UNC5A: variants seen among roughly 807,000 people sequenced by gnomAD.
UNC5A encodes netrin receptor UNC5A.
UNC5A carries 20 observed loss-of-function variants against 87.4 expected under a neutral mutation model. That is an observed-to-expected ratio of 0.23 (90% CI 0.16 to 0.33). UNC5A has a LOEUF of 0.33. UNC5A is among the 10% of genes least tolerant of loss of function. UNC5A has a pLI of 1.00. For synonymous variants in UNC5A, 438 were observed against 482.3 expected (o/e 0.91, Z 1.20); for missense variants, 844 against 1,133.4 (o/e 0.74, Z 3.67).
chr5:176,869,001 C>T lies in UNC5A; in HGVS notation c.721+37C>T, dbSNP rs1321560854. The T allele has an allele frequency of 1.9e-6, 3 of 1,560,936 alleles. No individual in the cohort carries two copies. The highest frequency in any genetic ancestry group is 3.6e-5 in the Admixed American group (2 of 55,964). ...GACTCCCTGGTCACAGGGAGAGGCA[C>T]TGCGGTGCCCCTGGGCAGTGACATG... is the stretch of plus-strand genomic sequence containing the variant. On this transcript the variant is annotated intron_variant, in intron 5 of 14. Coordinates refer to ENST00000329542, the MANE Select transcript of UNC5A (RefSeq NM_133369.3). The surrounding 1 kb of genome is among the most constrained non-coding windows in gnomAD (Gnocchi z 9.1).
chr5:176,828,361 G>A (rs932934067), intron 1 of UNC5A, among the ~76,000 whole-genome samples: 1 of 152,098 alleles, frequency 6.6e-6, no homozygotes, highest in African/African-American at 2.4e-5. Flanking sequence ...CGAGTGTGAT[G>A]TCACTCATGG....
intron 1 of UNC5A, among the ~76,000 whole-genome samples, chr5:176,855,955 G>A (rs905110971): frequency 6.6e-6 from 1 of 152,164 alleles, no homozygotes; most frequent in Non-Finnish European, 1.5e-5. Flanking sequence ...CCTCAACCGC[G>A]CCGTGTGGTC....
intron 13 of UNC5A, 35 bp downstream of exon 13, chr5:176,878,674 G>T: frequency 6.3e-7 from 1 of 1,589,386 alleles, no homozygotes; most frequent in Non-Finnish European, 8.6e-7. Context: ...GCCGTGACGT[G>T]CTCCCACTAC....
chr5:176,864,344 T>G (rs796665498), intron 2 of UNC5A, among the ~76,000 whole-genome samples: 4 of 152,208 alleles, frequency 2.6e-5, no homozygotes, highest in African/African-American at 9.6e-5. Context: ...AAGGGGCCCC[T>G]GGAGGCTGAG....
intron 1 of UNC5A, among the ~76,000 whole-genome samples, chr5:176,816,651 T>C (rs987017008): frequency 2.0e-5 from 3 of 152,272 alleles, no homozygotes; most frequent in South Asian, 2.1e-4. Context: ...CCTCCCTGCA[T>C]GGCTTCAGTT....
chr5:176,874,198 A>G lies in UNC5A; in HGVS notation c.1075+42A>G. The G allele has an allele frequency of 6.2e-7, 1 of 1,602,656 alleles. No individual in the cohort carries two copies. The highest frequency in any genetic ancestry group is 8.5e-7 in the Non-Finnish European group (1 of 1,172,202). On this transcript the variant is annotated intron_variant, in intron 7 of 14. Transcript: ENST00000329542. This position sits in a 1 kb window ranked among gnomAD's most constrained non-coding sequence, Gnocchi z 7.6. ...CCCCAGCACTCCTGCCCCAGCTCCCACGCCAAGGGCTGCTGGGGCAGGGAT... is the reference window on the plus strand; with the variant it reads ...CCCCAGCACTCCTGCCCCAGCTCCCGCGCCAAGGGCTGCTGGGGCAGGGAT...
At chr5:176,876,429 CT>C (rs763820195) in intron 8 of UNC5A, among the ~76,000 whole-genome samples, 3 of 152,180 alleles carry the variant, frequency 2.0e-5, no homozygotes, top group Non-Finnish European at 2.9e-5. Context: ...CTGGGAGCCC[CT>C]CCTCATGTAA....
In UNC5A at chr5:176,829,607, G is replaced by A. The variant is rs190566966; in HGVS notation, c.70+18787G>A. On this transcript the variant is annotated intron_variant, in intron 1 of 14. Transcript: ENST00000329542. ...ATAAAGTAGGTGGATGGATGGGTGG[G>A]TGGATGGGTGGGAGGTGGATGGATG... 2.0e-5 allele frequency among the ~76,000 whole-genome samples: 3 copies of A among 149,264 alleles called. No homozygotes were observed. In the East Asian group the frequency reaches 6.2e-4, roughly 31 times the overall value.
chr5:176,848,539 T>C lies in UNC5A; in HGVS notation c.71-14085T>C, dbSNP rs896494142. On this transcript the variant is annotated intron_variant, in intron 1 of 14. Transcript: ENST00000329542. This position sits in a 1 kb window ranked among gnomAD's most constrained non-coding sequence, Gnocchi z 5.8. Reference sequence around the variant, plus strand: ...TGGTAATTATTTGGACAGTGGGTAATTAAAACGGGGTGAGGGCTCATTCCT... The same window carrying C: ...TGGTAATTATTTGGACAGTGGGTAACTAAAACGGGGTGAGGGCTCATTCCT... 1.3e-5 allele frequency among the ~76,000 whole-genome samples: 2 copies of C among 152,164 alleles called. No homozygotes were observed. Among genetic ancestry groups the C allele is most frequent in the African/African-American group, 4.8e-5 (2 of 41,442 alleles).
At position 176,844,159 on chromosome 5, in the gene UNC5A, A is replaced by G. The variant is rs1046270328; in HGVS notation, c.71-18465A>G. 6.6e-6 allele frequency among the ~76,000 whole-genome samples: 1 copy of G among 152,200 alleles called. No homozygotes were observed. Among genetic ancestry groups the G allele is most frequent in the Non-Finnish European group, 1.5e-5 (1 of 68,032 alleles). On this transcript the variant is annotated intron_variant, in intron 1 of 14. Transcript: ENST00000329542. The surrounding 1 kb of genome is among the most constrained non-coding windows in gnomAD (Gnocchi z 4.2). ...CGGGGCTTTTTGAATAAAAGCTGTG[A>G]CTAAACTCAGGTCCATGCTGATTGT...
At chr5:176,837,183 A>C in intron 1 of UNC5A, among the ~76,000 whole-genome samples, 3 of 147,628 alleles carry the variant, frequency 2.0e-5, no homozygotes, top group East Asian at 2.0e-4. Context: ...CCCCAGCCCC[A>C]CTCCCATACC....
At chr5:176,858,874 C>T (rs563012018) in intron 1 of UNC5A, among the ~76,000 whole-genome samples, 9 of 152,174 alleles carry the variant, frequency 5.9e-5, no homozygotes, top group African/African-American at 2.2e-4. Context: ...GCGAGAGGCT[C>T]GGCTGTGCCT....
Position 176,865,739 on chromosome 5 carries a change from G to A in UNC5A, c.293-2391G>A, listed in dbSNP as rs1757959814. ...TCAGACAGGTATGGCAGGGCTCGGA[G>A]GCCCACCCAGCTCTGCAGCCCACTC... On this transcript the variant is annotated intron_variant, in intron 2 of 14. Coordinates refer to ENST00000329542, the MANE Select transcript of UNC5A (RefSeq NM_133369.3). This position sits in a 1 kb window ranked among gnomAD's most constrained non-coding sequence, Gnocchi z 5.3. 2.2e-6 allele frequency: 1 copy of A among 453,798 alleles called. No individual in the cohort carries two copies. Among genetic ancestry groups the A allele is most frequent in the African/African-American group, 2.0e-5 (1 of 49,956 alleles). 28.1% of individuals were successfully genotyped at this position (453,798 alleles called of 1,614,324 possible).
intron 1 of UNC5A, among the ~76,000 whole-genome samples, chr5:176,813,828 G>GGGCTCC (rs1448454838): frequency 6.6e-6 from 1 of 152,194 alleles, no homozygotes; most frequent in African/African-American, 2.4e-5. Context: ...GCTTGGGGTG[G>GGGCTCC]GGCTCCCCTG....
At chr5:176,852,649 G>T (rs7705795) in intron 1 of UNC5A, among the ~76,000 whole-genome samples, 1 of 152,190 alleles carries the variant, frequency 6.6e-6, no homozygotes, top group Non-Finnish European at 1.5e-5. Context: ...GGCCTGAGGC[G>T]AGGCCCCTCA....
chr5:176,850,814 GCTGGTGGCCTGTGGC>G (rs1012584389), intron 1 of UNC5A, among the ~76,000 whole-genome samples: 1 of 152,208 alleles, frequency 6.6e-6, no homozygotes, highest in African/African-American at 2.4e-5. Context: ...TCAAAGATTG[GCTGGTGGCCTGTGGC>G]CTCAGTCACC....
intron 1 of UNC5A, among the ~76,000 whole-genome samples, chr5:176,858,414 C>T (rs1204252613): frequency 3.9e-5 from 6 of 152,072 alleles, no homozygotes; most frequent in Non-Finnish European, 7.4e-5. Context: ...GCTCCTGCCT[C>T]GGAGGGATCC....
rs551997008 is a variant in UNC5A at position 176,880,201 on chromosome 5, T to G, written c.*315T>G. On this transcript the variant is annotated 3_prime_UTR_variant, in exon 15 of 15. Transcript: ENST00000329542. The stretch of plus-strand genomic sequence containing the variant: ...GTGATGCTACCTCTCCTCCCGTCCC[T>G]CTCCAGGGGCCCCGCATACACACGG... The G allele has an allele frequency of 2.6e-4, 72 of 278,524 alleles. No individual in the cohort carries two copies. Among genetic ancestry groups the G allele is most frequent in the African/African-American group, 1.4e-3 (66 of 45,600 alleles). 17.3% of individuals were successfully genotyped at this position (278,524 alleles called of 1,614,324 possible).
chr5:176,850,024 A>G (rs1019022577), intron 1 of UNC5A, among the ~76,000 whole-genome samples: 2 of 152,236 alleles, frequency 1.3e-5, no homozygotes, highest in African/African-American at 2.4e-5. Flanking sequence ...ACAGGCTGAC[A>G]GCGGAGGCAG....
Sources: gnomAD v4.1 joint callset for allele counts (sites outside exome capture counted in the v4.1 genomes callset) on GRCh38, gnomAD v4.1.1 for gene constraint, Gnocchi (gnomAD v3.1) non-coding constraint, MANE v1.5 for transcripts, NCBI Gene and HGNC (gene_info 2026-07-23, HGNC 2026-07-21) for gene names.